The following DNAJC10 variants were observed in gnomAD, a reference collection of about 807,000 sequenced individuals.
DNAJC10 encodes endoplasmic reticulum disulfide reductase DNAJC10.
A neutral mutation model predicts 115.0 loss-of-function variants in DNAJC10; 101 were observed. The ratio of observed to expected loss-of-function variants is 0.88; its 90% CI spans 0.75 to 1.04. The LOEUF is 1.04. DNAJC10 is among the 50% of genes least tolerant of loss of function. DNAJC10 has a pLI of 0.00. For synonymous variants in DNAJC10, 307 were observed against 301.5 expected, an observed-to-expected ratio of 1.02 and a Z score of -0.19; for missense variants, 981 against 928.8, an observed-to-expected ratio of 1.06 and a Z score of -0.73.
intron 10 of DNAJC10, chr2:182,732,788 C>G (rs1693484847): frequency 2.0e-6 from 1 of 496,508 alleles, no homozygotes; most frequent in African/African-American, 2.0e-5. Context: ...TTATAAGTTC[C>G]TCTTCAACTG....
intron 14 of DNAJC10, among the ~76,000 whole-genome samples, chr2:182,749,869 G>A (rs1340896947): frequency 6.6e-6 from 1 of 152,150 alleles, no homozygotes; most frequent in East Asian, 1.9e-4. Flanking sequence ...TTCTCATGAG[G>A]TTGCATTCAA....
Position 182,788,999 on chromosome 2 carries a change from C to A in DNAJC10, c.*11867C>A. On this transcript the variant is annotated 3_prime_UTR_variant, in exon 24 of 24. Coordinates refer to ENST00000264065, the MANE Select transcript of DNAJC10 (RefSeq NM_018981.4). ...GTTAAGTAATTTCACATTGTTCAAC[C>A]CATCTCCGTGACTTTATCTTGCAAA... 3.5e-6 allele frequency: 1 copy of A among 281,702 alleles called. No individual in the cohort carries two copies. The highest frequency in any genetic ancestry group is 3.3e-5 in the South Asian group (1 of 30,214). 17.5% of individuals were successfully genotyped at this position (281,702 alleles called of 1,614,324 possible). A position where few individuals can be genotyped will look rare whatever the true frequency, so the allele number is the denominator to read the frequency against.
chr2:182,756,271 A>C (rs772123375), intron 17 of DNAJC10, 43 bp from the exon 18 acceptor site: 1 of 1,505,724 alleles, frequency 6.6e-7, no homozygotes, highest in Non-Finnish European at 9.0e-7. Context: ...ATGAACAGCT[A>C]TGCTTTATAT....
In DNAJC10 at chr2:182,792,521, C is replaced by T. The variant is rs1283822488; in HGVS notation, c.*15389C>T. On this transcript the variant is annotated 3_prime_UTR_variant, in exon 24 of 24. Coordinates refer to ENST00000264065, the MANE Select transcript of DNAJC10 (RefSeq NM_018981.4). ...ATCTGATAAATGTATTGTTTAACCT[C>T]TCATTGTTTGAAAGAACACCTCTTT... 1 of 152,210 alleles carries T rather than the reference C, an allele frequency of 6.6e-6. No individual in the cohort carries two copies. Among genetic ancestry groups the T allele is most frequent in the South Asian group, 2.1e-4 (1 of 4,832 alleles). 9.4% of individuals were successfully genotyped at this position (152,210 alleles called of 1,614,324 possible). A position where few individuals can be genotyped will look rare whatever the true frequency, so the allele number is the denominator to read the frequency against.
At chr2:182,732,644 C>T in intron 10 of DNAJC10, 102 bp downstream of exon 10, 2 of 1,126,752 alleles carry the variant, frequency 1.8e-6, no homozygotes, top group Admixed American at 1.9e-5. Flanking sequence ...ACATTTAACT[C>T]ACCTATTTGT....
intron 11 of DNAJC10, chr2:182,739,695 T>C: frequency 9.7e-7 from 1 of 1,030,668 alleles, no homozygotes; most frequent in Non-Finnish European, 1.2e-6. Context: ...CGAAAACAAG[T>C]TTAAGATAAG....
intron 22 of DNAJC10, among the ~76,000 whole-genome samples, chr2:182,767,384 C>G: frequency 7.0e-6 from 1 of 143,444 alleles, no homozygotes; most frequent in East Asian, 2.1e-4. Flanking sequence ...CTACAGTGCA[C>G]TGGATAGCCT....
intron 23 of DNAJC10, among the ~76,000 whole-genome samples, chr2:182,776,349 A>C (rs144418650): frequency 6.6e-6 from 1 of 152,316 alleles, no homozygotes; most frequent in East Asian, 1.9e-4. Context: ...AAGCAGCACA[A>C]CCTTTTTCCT....
At chr2:182,761,673 G>A (rs934237939) in intron 21 of DNAJC10, among the ~76,000 whole-genome samples, 1 of 152,074 alleles carries the variant, frequency 6.6e-6, no homozygotes, top group African/African-American at 2.4e-5. Flanking sequence ...ATAGAACGAG[G>A]AAAAGTGGGT....
At chr2:182,765,040 T>C (rs532765787) in intron 22 of DNAJC10, among the ~76,000 whole-genome samples, 150 of 152,276 alleles carry the variant, frequency 9.9e-4, no homozygotes, top group Middle Eastern at 3.4e-3. Context: ...CTCACACTTA[T>C]ATCGCCAGTC....
rs1694747813 is a variant in DNAJC10 at position 182,777,802 on chromosome 2, TTTTAA to T, written c.*674_*678del. Reference sequence around the variant, plus strand: ...TCCTTCTCAAAGGTTGAAAAAATGCTTTTAATTTTTCACAGCCGAGAAACAGTGCA... The same window carrying T: ...TCCTTCTCAAAGGTTGAAAAAATGCTTTTTTCACAGCCGAGAAACAGTGCA... On this transcript the variant is annotated 3_prime_UTR_variant, in exon 24 of 24. Transcript: ENST00000264065. 2 of 152,198 alleles carry T rather than the reference TTTTAA, an allele frequency of 1.3e-5. No individual in the cohort carries two copies. Among genetic ancestry groups the T allele is most frequent in the Non-Finnish European group, 2.9e-5 (2 of 68,020 alleles). 9.4% of individuals were successfully genotyped at this position (152,198 alleles called of 1,614,324 possible).
chr2:182,718,945 CTT>C (rs1242675836), intron 3 of DNAJC10, among the ~76,000 whole-genome samples: 2 of 151,972 alleles, frequency 1.3e-5, no homozygotes, highest in African/African-American at 4.8e-5. Context: ...ATAATTTTCT[CTT>C]TTCTAGGTAG....
In DNAJC10 at chr2:182,781,297, A is replaced by T. The variant is rs1471551679; in HGVS notation, c.*4165A>T. The T allele has an allele frequency of 2.0e-5, 3 of 152,174 alleles. No homozygotes were observed. The highest frequency in any genetic ancestry group is 4.4e-5 in the Non-Finnish European group (3 of 68,034). The allele number at this position is 152,174 out of a possible 1,614,324, so 9.4% of individuals were successfully genotyped here. On this transcript the variant is annotated 3_prime_UTR_variant, in exon 24 of 24. Transcript: ENST00000264065. Reference sequence around the variant, plus strand: ...CTGTCCCTGCAAAGGACATGAACGCATCCTTTTTTATGGCTGCATAGTATT... The same window carrying T: ...CTGTCCCTGCAAAGGACATGAACGCTTCCTTTTTTATGGCTGCATAGTATT...
intron 11 of DNAJC10, among the ~76,000 whole-genome samples, chr2:182,739,248 A>ATATC (rs1559006523): frequency 4.0e-4 from 58 of 146,776 alleles, no homozygotes; most frequent in African/African-American, 1.3e-3. Context: ...ATATATATAT[A>ATATC]TCTCATATAT....
rs535658265 is a variant in DNAJC10, at chr2:182,767,277, A to C, written c.2265+4476A>C. Among the ~76,000 whole-genome samples, 14 of 152,322 alleles carry C rather than the reference A, an allele frequency of 9.2e-5. 1 individual carries two copies. Among genetic ancestry groups the C allele is most frequent in the African/African-American group, 3.4e-4 (14 of 41,576 alleles). ...ATTTCCTCTTTTCAGGCAGTGACCT[A>C]CCTGCTTCCATAACCCTAAATCTAA... On this transcript the variant is annotated intron_variant, in intron 22 of 23. Transcript: ENST00000264065.
chr2:182,739,172 A>ATATATATAGTATATATCATATATATT (rs1299639457), intron 11 of DNAJC10, among the ~76,000 whole-genome samples: 8 of 147,376 alleles, frequency 5.4e-5, no homozygotes, highest in African/African-American at 2.0e-4. Context: ...TGATATATAT[A>ATATATATAGTATATATCATATATATT]TATATATAGT....
At chr2:182,732,656 A>T (rs1474249799) in intron 10 of DNAJC10, 114 bp downstream of exon 10, 1 of 1,033,338 alleles carries the variant, frequency 9.7e-7, no homozygotes, top group Non-Finnish European at 1.5e-6. Context: ...CCTATTTGTA[A>T]TCTTATTTTC....
intron 18 of DNAJC10, 78 bp from the exon 19 acceptor site, chr2:182,757,614 C>T: frequency 1.8e-6 from 2 of 1,128,894 alleles, no homozygotes; most frequent in Non-Finnish European, 2.4e-6. Context: ...ACTGTTTCAC[C>T]ATAATAATAC....
rs1009509918 is a variant in DNAJC10 at position 182,784,485 on chromosome 2, C to T, written c.*7353C>T. 6.6e-6 allele frequency: 1 copy of T among 152,114 alleles called. No individual in the cohort carries two copies. Among genetic ancestry groups the T allele is most frequent in the Non-Finnish European group, 1.5e-5 (1 of 68,032 alleles). 9.4% of individuals were successfully genotyped at this position (152,114 alleles called of 1,614,324 possible). On this transcript the variant is annotated 3_prime_UTR_variant, in exon 24 of 24. Transcript: ENST00000264065. ...TGGCAGAACCTAGCACATTGTTGAC[C>T]CGTAGAAGCACAGTGTGTATTTCAA...
Sources: allele counts gnomAD v4.1 joint callset (sites outside exome capture counted in the v4.1 genomes callset), GRCh38; gene constraint gnomAD v4.1.1; transcripts MANE v1.5; gene names NCBI Gene and HGNC (gene_info 2026-07-23, HGNC 2026-07-21).